TADA2A: variants seen among roughly 807,000 people sequenced by gnomAD.
TADA2A encodes the protein transcriptional adaptor 2A.
In TADA2A, 38 loss-of-function variants were observed where a neutral mutation model predicts 67.4. The observed-to-expected ratio is 0.56, with a 90% CI of 0.44 to 0.74. The LOEUF is 0.74. Ranked by LOEUF, TADA2A falls within the 30% of genes least tolerant of loss-of-function variation. TADA2A has a pLI of 0.00. For missense variants in TADA2A, 454 were observed against 547.0 expected, an observed-to-expected ratio of 0.83 and a Z score of 1.70; for synonymous variants, 192 against 181.6, an observed-to-expected ratio of 1.06 and a Z score of -0.46.
intron 3 of TADA2A, among the ~76,000 whole-genome samples, chr17:37,424,242 G>A (rs891583991): frequency 6.6e-6 from 1 of 151,758 alleles, no homozygotes; most frequent in Non-Finnish European, 1.5e-5. Context: ...AGACCAGCCC[G>A]GTCAACATGG....
At chr17:37,407,644 T>TA (rs986244152) in intron 1 of TADA2A, 3 of 152,154 alleles carry the variant, frequency 2.0e-5, no homozygotes, top group African/African-American at 7.2e-5. Context: ...TTTTTTTTTT[T>TA]TCTCCTAGGC....
intron 3 of TADA2A, 129 bp downstream of exon 3, chr17:37,423,744 T>G: frequency 1.5e-6 from 1 of 655,904 alleles, no homozygotes; most frequent in East Asian, 3.2e-5. Context: ...CAATTTTTCT[T>G]TTTCTTTCTT....
intron 8 of TADA2A, chr17:37,450,456 G>A (rs1012242817): frequency 1.3e-5 from 2 of 152,192 alleles, no homozygotes; most frequent in African/African-American, 4.8e-5. Flanking sequence ...GAAACATGTT[G>A]TTAGCTATTT....
At chr17:37,474,716 C>T (rs2053858543) in intron 15 of TADA2A, 87 bp downstream of exon 15, 2 of 1,404,118 alleles carry the variant, frequency 1.4e-6, no homozygotes, top group East Asian at 4.9e-5. Context: ...AGGGTCAAAC[C>T]CCTTTTGTTT....
chr17:37,456,427 A>G (rs1252595933), intron 8 of TADA2A, among the ~76,000 whole-genome samples: 1 of 152,196 alleles, frequency 6.6e-6, no homozygotes, highest in Non-Finnish European at 1.5e-5. Context: ...CCTCTCCTAC[A>G]AGATAGCATG....
At chr17:37,458,332 A>G (rs1319568759) in intron 8 of TADA2A, among the ~76,000 whole-genome samples, 192 bp from the exon 9 acceptor site, 1 of 152,222 alleles carries the variant, frequency 6.6e-6, no homozygotes, top group Non-Finnish European at 1.5e-5. Flanking sequence ...TAGCGGAAAA[A>G]TAACTTTACT....
At chr17:37,428,574 A>G (rs2052476451) in intron 4 of TADA2A, among the ~76,000 whole-genome samples, 1 of 152,066 alleles carries the variant, frequency 6.6e-6, no homozygotes, top group African/African-American at 2.4e-5. Flanking sequence ...TTTATGAGTG[A>G]TTCTTCTGCT....
At chr17:37,463,071 C>A (rs1247318509) in intron 10 of TADA2A, among the ~76,000 whole-genome samples, 1 of 151,966 alleles carries the variant, frequency 6.6e-6, no homozygotes, top group Non-Finnish European at 1.5e-5. Flanking sequence ...CTCCTGGGTG[C>A]AAGTGATCCT....
intron 1 of TADA2A, among the ~76,000 whole-genome samples, chr17:37,409,630 G>A (rs2051795452): frequency 6.6e-6 from 1 of 151,256 alleles, no homozygotes; most frequent in Non-Finnish European, 1.5e-5. Flanking sequence ...AGCCAGGCCT[G>A]GTGGCCCGCG....
intron 13 of TADA2A, 46 bp downstream of exon 13, chr17:37,470,578 C>T (rs2053765362): frequency 1.4e-6 from 2 of 1,474,254 alleles, no homozygotes; most frequent in Admixed American, 2.5e-5. Flanking sequence ...TCTGGGATGC[C>T]TTGGCCTTCA....
chr17:37,418,022 CTG>C (rs1293742712), intron 2 of TADA2A, among the ~76,000 whole-genome samples: 1 of 152,112 alleles, frequency 6.6e-6, no homozygotes, highest in African/African-American at 2.4e-5. Flanking sequence ...TGTTGAATCA[CTG>C]TGCATATACA....
At chr17:37,409,005 A>G (rs916431535) in intron 1 of TADA2A, among the ~76,000 whole-genome samples, 5 of 152,226 alleles carry the variant, frequency 3.3e-5, no homozygotes, top group East Asian at 1.9e-4. Context: ...GTCCACTACT[A>G]TGTGTTTATT....
At chr17:37,460,104 G>A (rs946109383) in intron 9 of TADA2A, among the ~76,000 whole-genome samples, 1 of 149,774 alleles carries the variant, frequency 6.7e-6, no homozygotes, top group African/African-American at 2.5e-5. Context: ...TTTTGAGACA[G>A]GGTCTCACAA....
chr17:37,445,354 C>T (rs773695380), intron 8 of TADA2A, among the ~76,000 whole-genome samples: 2 of 152,330 alleles, frequency 1.3e-5, no homozygotes, highest in Non-Finnish European at 2.9e-5. Context: ...CAACCTCTGT[C>T]TCCCAGGTTC....
intron 8 of TADA2A, among the ~76,000 whole-genome samples, chr17:37,448,809 C>T (rs1269634068): frequency 3.9e-5 from 6 of 152,164 alleles, no homozygotes; most frequent in African/African-American, 1.2e-4. Flanking sequence ...TTTCTTCTCC[C>T]TCTGTTCTGG....
intron 15 of TADA2A, among the ~76,000 whole-genome samples, chr17:37,475,928 G>A (rs2148055175): frequency 6.6e-6 from 1 of 152,304 alleles, no homozygotes; most frequent in South Asian, 2.1e-4. Context: ...TCTTTTGGAG[G>A]AGTTCCTCTT....
rs1181586134 is a variant in TADA2A at position 37,461,923 on chromosome 17, C to G, written c.669-155C>G. 1.7e-5 allele frequency: 10 copies of G among 587,994 alleles called. No individual in the cohort carries two copies. The East Asian group carries it at 3.2e-4, about 19-fold the overall frequency. The allele number at this position is 587,994 out of a possible 1,614,324, so 36.4% of individuals were successfully genotyped here. ...AGAGTCTAAAATTGGGTTAGTGATT[C>G]ACTGACCTGCAGAAATTTGTGGGAG... On this transcript the variant is annotated intron_variant, in intron 9 of 15. Transcript: ENST00000615182.
At chr17:37,470,557 G>A (rs1415632051) in intron 13 of TADA2A, 25 bp downstream of exon 13, 1 of 1,498,586 alleles carries the variant, frequency 6.7e-7, no homozygotes, top group South Asian at 1.4e-5. Flanking sequence ...CAGGGTGAAG[G>A]AGGCATTCTT....
chr17:37,476,869 A>C lies in TADA2A; in HGVS notation c.1219A>C (p.Lys407Gln). The C allele has an allele frequency of 6.2e-7, 1 of 1,614,202 alleles. No individual in the cohort carries two copies. Among genetic ancestry groups the C allele is most frequent in the Non-Finnish European group, 8.5e-7 (1 of 1,180,012 alleles). Residue 407 changes from lysine (K) to glutamine (Q), a missense_variant, in exon 16 of 16, where the codon AAG becomes CAG. Physicochemically the swap from Lys to Gln is moderately conservative, Grantham distance 53. Around this residue, in one of 2 missense-constraint regions of TADA2A, gnomAD observed 51 missense variants for 91.5 expected, o/e 0.56. Coordinates refer to ENST00000615182, the MANE Select transcript of TADA2A (RefSeq NM_001166105.3). ...ATCTGCTCTATTGAACGAATGTAAC[A>C]AGCAAGGAGGCTTAAGACTGGCGCA... The part of the protein sequence containing the change: ...YKSALLNECN[K>Q]QGGLRLAQAR...
Sources: allele counts gnomAD v4.1 joint callset (sites outside exome capture counted in the v4.1 genomes callset), GRCh38; gene constraint gnomAD v4.1.1; regional missense constraint gnomAD v4.1.1; transcripts MANE v1.5; gene names NCBI Gene and HGNC (gene_info 2026-07-23, HGNC 2026-07-21).